DOCK10: variants seen among roughly 807,000 people sequenced by gnomAD.
The protein encoded by DOCK10 is dedicator of cytokinesis 10, also known as dedicator of cytokinesis protein 10.
DOCK10 carries 145 observed loss-of-function variants against 280.1 expected under a neutral mutation model. The observed-to-expected ratio is 0.52, with a 90% CI of 0.45 to 0.59. The LOEUF is 0.59. DOCK10 is among the 20% of genes least tolerant of loss of function. The pLI is 0.00. For synonymous variants in DOCK10, 915 were observed against 942.2 expected (o/e 0.97, Z 0.53); for missense variants, 2,368 against 2,651.7 (o/e 0.89, Z 2.35).
In DOCK10 at chr2:224,970,102, C is replaced by A. The variant is rs750109783; in HGVS notation, c.124-38434G>T. Among the ~76,000 whole-genome samples the A allele has an allele frequency of 6.6e-6, 1 of 152,098 alleles. No homozygotes were observed. The highest frequency in any genetic ancestry group is 1.5e-5 in the Non-Finnish European group (1 of 68,022). On this transcript the variant is annotated intron_variant, in intron 1 of 55. Transcript: ENST00000258390. This position sits in a 1 kb window ranked among gnomAD's most constrained non-coding sequence, Gnocchi z 4.6. ...AGTGTTCTATTTAATATTCTAGTTT[C>A]CTTATTAGTGGAGAACTGAAGGGTA...
At position 224,902,291 on chromosome 2, in the gene DOCK10, T is replaced by C. The variant is rs115653805; in HGVS notation, c.334-5914A>G. On this transcript the variant is annotated intron_variant, in intron 3 of 55. Transcript: ENST00000258390. Reference sequence around the variant, plus strand: ...TTTTTTTTCAGATGCAAAATTATTTTTCTTTCTGGCTATAGAGGTTTATTT... The same window carrying C: ...TTTTTTTTCAGATGCAAAATTATTTCTCTTTCTGGCTATAGAGGTTTATTT... 3.6e-3 allele frequency among the ~76,000 whole-genome samples: 555 copies of C among 152,324 alleles called. 1 individual carries two copies. The highest frequency in any genetic ancestry group is 5.6e-3 in the Non-Finnish European group (381 of 68,026).
chr2:224,784,843 C>G lies in DOCK10; in HGVS notation c.5655+2179G>C, dbSNP rs774247052. The G allele has an allele frequency of 4.1e-5, 45 of 1,099,298 alleles. No individual in the cohort carries two copies. The Middle Eastern group carries it at 9.2e-4, about 22-fold the overall frequency. The allele number at this position is 1,099,298 out of a possible 1,614,324, so 68.1% of individuals were successfully genotyped here. On this transcript the variant is annotated intron_variant, in intron 50 of 55. Coordinates refer to ENST00000258390, the MANE Select transcript of DOCK10 (RefSeq NM_014689.3). Reference sequence around the variant, plus strand: ...CTTCTACCTGCTTTAGAGCCCATATCTCATATATTGGTTGCAGAAACCATC... The same window carrying G: ...CTTCTACCTGCTTTAGAGCCCATATGTCATATATTGGTTGCAGAAACCATC...
At position 224,805,143 on chromosome 2, in the gene DOCK10, T is replaced by C. The variant is rs540591851; in HGVS notation, c.4052-19A>G. ...AGAGTCTCTAAAAGGAAACACCAGG[T>C]AGTATGAGAATCTGAAGGTTTTCTT... On this transcript the variant is annotated intron_variant, in intron 36 of 55. Transcript: ENST00000258390. The surrounding 1 kb of genome is among the most constrained non-coding windows in gnomAD (Gnocchi z 4.3). 7 of 1,608,202 alleles carry C rather than the reference T, an allele frequency of 4.4e-6. No homozygotes were observed. Among genetic ancestry groups the C allele is most frequent in the East Asian group, 2.2e-5 (1 of 44,822 alleles).
chr2:224,839,370 G>A (rs1466976768), intron 24 of DOCK10, among the ~76,000 whole-genome samples: 4 of 151,314 alleles, frequency 2.6e-5, no homozygotes, highest in East Asian at 1.9e-4. Flanking sequence ...GCCTCCCAAA[G>A]TGCTGGGATG....
At chr2:224,790,428 CT>C (rs376952859) in intron 47 of DOCK10, among the ~76,000 whole-genome samples, 117 of 152,294 alleles carry the variant, frequency 7.7e-4, no homozygotes, top group African/African-American at 2.8e-3. Flanking sequence ...TGAGACATTG[CT>C]GGTACAGGGC....
chr2:224,771,088 G>A (rs1690411673), intron 53 of DOCK10, among the ~76,000 whole-genome samples: 1 of 151,912 alleles, frequency 6.6e-6, no homozygotes, highest in Non-Finnish European at 1.5e-5. Flanking sequence ...TTACTACCAT[G>A]CCTGGCTAAT....
At chr2:224,785,486 G>T (rs926083399) in intron 50 of DOCK10, among the ~76,000 whole-genome samples, 1 of 152,020 alleles carries the variant, frequency 6.6e-6, no homozygotes, top group Non-Finnish European at 1.5e-5. Flanking sequence ...TCAAAGGTTA[G>T]CTTTTTCTTT....
chr2:224,795,078 G>C lies in DOCK10; in HGVS notation c.4955C>G (p.Ala1652Gly). Reference protein sequence around the residue: ...DKQMKNSNFPAEVKDLTKRIR... With the variant: ...DKQMKNSNFPGEVKDLTKRIR... ...ACGCTTAGTCAGGTCCTTCACCTCT[G>C]CTGGGAAATTGCTGTTCTTTGGAAA... Residue 1652 changes from alanine to glycine, a missense_variant, in exon 45 of 56, where the codon GCA becomes GGA. Around this residue, in one of 2 missense-constraint regions of DOCK10, gnomAD observed 1,159 missense variants for 1,400.8 expected, o/e 0.83. Coordinates refer to ENST00000258390, the MANE Select transcript of DOCK10 (RefSeq NM_014689.3). 1 of 1,613,824 alleles carries C rather than the reference G, an allele frequency of 6.2e-7. No homozygotes were observed. Among genetic ancestry groups the C allele is most frequent in the East Asian group, 2.2e-5 (1 of 44,882 alleles).
intron 1 of DOCK10, among the ~76,000 whole-genome samples, chr2:225,026,276 G>A (rs1575172905): frequency 6.6e-6 from 1 of 152,218 alleles, no homozygotes; most frequent in Non-Finnish European, 1.5e-5. Context: ...CAATAATCAA[G>A]AACATTAGCA....
At chr2:224,781,576 G>T (rs1460008455) in intron 50 of DOCK10, among the ~76,000 whole-genome samples, 1 of 152,198 alleles carries the variant, frequency 6.6e-6, no homozygotes, top group Non-Finnish European at 1.5e-5. Context: ...GGGACACAGA[G>T]TTATGAAAAC....
Position 224,842,131 on chromosome 2 carries a change from T to C in DOCK10, c.2569-235A>G, listed in dbSNP as rs1418061969. Among the ~76,000 whole-genome samples, 5 of 152,340 alleles carry C rather than the reference T, an allele frequency of 3.3e-5. No individual in the cohort carries two copies. In the East Asian group the frequency reaches 5.8e-4, roughly 18 times the overall value. On this transcript the variant is annotated intron_variant, in intron 22 of 55. Coordinates refer to ENST00000258390, the MANE Select transcript of DOCK10 (RefSeq NM_014689.3). ...TATTTCATTCTAAGAGGTTTTGTTG[T>C]TCTATTCAACCACATGACAATGGCT...
chr2:224,961,412 C>CTTTCTCTTTCTT, intron 1 of DOCK10, among the ~76,000 whole-genome samples: 1 of 119,382 alleles, frequency 8.4e-6, no homozygotes, highest in Non-Finnish European at 1.7e-5. Context: ...TTCTTTCTTT[C>CTTTCTCTTTCTT]TCTTTCTTTC....
intron 7 of DOCK10, among the ~76,000 whole-genome samples, chr2:224,883,237 G>A (rs779498713): frequency 1.6e-4 from 25 of 152,230 alleles, no homozygotes; most frequent in South Asian, 8.3e-4. Context: ...TCGAGATATC[G>A]TGTGATAGTG....
chr2:224,840,527 C>T (rs1468330810), intron 23 of DOCK10, among the ~76,000 whole-genome samples: 3 of 152,138 alleles, frequency 2.0e-5, no homozygotes, highest in Admixed American at 6.5e-5. Context: ...CGTCATTAAT[C>T]ATTGGAGAAA....
intron 1 of DOCK10, among the ~76,000 whole-genome samples, chr2:225,019,439 T>C (rs754007381): frequency 2.2e-4 from 23 of 102,944 alleles, no homozygotes; most frequent in Admixed American, 8.7e-4. Context: ...GAGAGTGTGG[T>C]TTAATCTTTT....
chr2:224,971,766 C>A (rs1295107601), intron 1 of DOCK10, among the ~76,000 whole-genome samples: 1 of 151,832 alleles, frequency 6.6e-6, no homozygotes, highest in Non-Finnish European at 1.5e-5. Context: ...TTTATGAAAT[C>A]TGAATACTGA....
intron 4 of DOCK10, 56 bp from the exon 5 acceptor site, chr2:224,886,587 TA>T (rs1360156698): frequency 7.1e-7 from 1 of 1,413,964 alleles, no homozygotes; most frequent in African/African-American, 1.4e-5. Flanking sequence ...GCTTTCATTT[TA>T]AGTTGCTCCC....
intron 1 of DOCK10, among the ~76,000 whole-genome samples, chr2:224,961,338 A>G (rs1239168234): frequency 4.0e-5 from 6 of 148,382 alleles, no homozygotes; most frequent in Admixed American, 6.7e-5. Flanking sequence ...GTGCAACACA[A>G]CTCTCTCTCC....
intron 1 of DOCK10, among the ~76,000 whole-genome samples, chr2:225,031,144 T>A (rs1156759691): frequency 1.3e-5 from 2 of 152,060 alleles, no homozygotes; most frequent in African/African-American, 4.8e-5. Flanking sequence ...CCACACCTCT[T>A]CCTCCTCCTC....
Sources: gnomAD v4.1 joint callset for allele counts (sites outside exome capture counted in the v4.1 genomes callset) on GRCh38, gnomAD v4.1.1 for gene constraint, gnomAD v4.1.1 regional missense constraint, Gnocchi (gnomAD v3.1) non-coding constraint, MANE v1.5 for transcripts, NCBI Gene and HGNC (gene_info 2026-07-23, HGNC 2026-07-21) for gene names.